PADI1: variants seen among roughly 807,000 people sequenced by gnomAD.
PADI1 encodes peptidyl arginine deiminase 1, also known as protein-arginine deiminase type-1.
PADI1 carries 65 observed loss-of-function variants against 74.8 expected under a neutral mutation model. That is an observed-to-expected ratio of 0.87 (90% CI 0.71 to 1.07). The LOEUF (loss-of-function observed/expected upper bound fraction) is 1.07, where lower values mean the gene tolerates loss of function less well. Ranked by LOEUF, PADI1 falls within the 50% of genes least tolerant of loss-of-function variation. The pLI is 0.00. For missense variants in PADI1, 943 were observed against 854.0 expected (o/e 1.10, Z -1.30); for synonymous variants, 371 against 336.2 (o/e 1.10, Z -1.13).
intron 1 of PADI1, among the ~76,000 whole-genome samples, chr1:17,210,743 C>T (rs1158802099): frequency 6.6e-6 from 1 of 152,140 alleles, no homozygotes; most frequent in African/African-American, 2.4e-5. Context: ...CAGCCATTGC[C>T]CTCCCTCAAC....
At chr1:17,220,006 G>A (rs1236605301) in intron 1 of PADI1, among the ~76,000 whole-genome samples, 1 of 152,108 alleles carries the variant, frequency 6.6e-6, no homozygotes, top group Non-Finnish European at 1.5e-5. Flanking sequence ...CAGATGAGAG[G>A]ATGATAGTCC....
intron 11 of PADI1, among the ~76,000 whole-genome samples, chr1:17,233,719 A>G (rs920351165): frequency 3.3e-5 from 5 of 152,150 alleles, no homozygotes; most frequent in African/African-American, 1.2e-4. Context: ...GGGTTTTTGC[A>G]TAGCAGGGGT....
intron 1 of PADI1, among the ~76,000 whole-genome samples, chr1:17,208,917 G>T (rs1008056785): frequency 5.9e-5 from 9 of 152,182 alleles, no homozygotes; most frequent in African/African-American, 2.2e-4. Flanking sequence ...CCTTGTAGGA[G>T]ACAGGGACAT....
rs2072672597 is a variant in PADI1 at position 17,237,449 on chromosome 1, T to C, written c.1449T>C (p.Ser483=). The part of the protein sequence containing the change: ...VDEFLTFVPT[S]DQKGFRLLLA... ...AGTTTCTGACCTTTGTGCCTACCTC[T>C]GACCAAAAGGTGCGTCCCCTCCTTC... The change falls in exon 12 of 16, where the codon TCT becomes TCC. Residue 483 remains serine (S), a synonymous_variant. Coordinates refer to ENST00000375471, the MANE Select transcript of PADI1 (RefSeq NM_013358.3). The C allele has an allele frequency of 6.2e-7, 1 of 1,610,668 alleles. No homozygotes were observed. The highest frequency in any genetic ancestry group is 1.7e-5 in the Admixed American group (1 of 59,636).
At chr1:17,241,378 C>T (rs2072773331) in intron 15 of PADI1, among the ~76,000 whole-genome samples, 1 of 152,258 alleles carries the variant, frequency 6.6e-6, no homozygotes, top group South Asian at 2.1e-4. Flanking sequence ...CAGGGATGGT[C>T]CCCCGGGATG....
chr1:17,216,213 G>T (rs2071974232), intron 1 of PADI1, among the ~76,000 whole-genome samples: 1 of 152,152 alleles, frequency 6.6e-6, no homozygotes, highest in Non-Finnish European at 1.5e-5. Context: ...GGATGCAACG[G>T]GACTTCTATT....
At position 17,244,255 on chromosome 1, in the gene PADI1, C is replaced by T. The variant is rs2072837184; in HGVS notation, c.*12C>T. 6.3e-7 allele frequency: 1 copy of T among 1,593,766 alleles called. No homozygotes were observed. The highest frequency in any genetic ancestry group is 8.6e-7 in the Non-Finnish European group (1 of 1,161,538). On this transcript the variant is annotated 3_prime_UTR_variant, in exon 16 of 16. Transcript: ENST00000375471. ...ACATGGTGCCCTGAGCCTGCCCCCA[C>T]CCGCCATCCTCTCTGCCCTCTTGCT...
At chr1:17,217,511 T>C (rs2072011711) in intron 1 of PADI1, among the ~76,000 whole-genome samples, 2 of 152,224 alleles carry the variant, frequency 1.3e-5, no homozygotes, top group Admixed American at 6.5e-5. Context: ...GATTGTTTAA[T>C]TTTTAAGAAG....
chr1:17,236,983 G>GA (rs749683133), intron 11 of PADI1, among the ~76,000 whole-genome samples: 8 of 152,204 alleles, frequency 5.3e-5, no homozygotes, highest in Non-Finnish European at 7.3e-5. Context: ...GCAAGGAGGG[G>GA]CGCAGTGGGG....
At chr1:17,214,474 G>C (rs2100413720) in intron 1 of PADI1, among the ~76,000 whole-genome samples, 1 of 152,250 alleles carries the variant, frequency 6.6e-6, no homozygotes, top group Non-Finnish European at 1.5e-5. Flanking sequence ...TCCTGTAGTG[G>C]TAATGATTTG....
rs151277560 is a variant in PADI1, at chr1:17,222,303, G to A, written c.106G>A (p.Gly36Ser). The A allele has an allele frequency of 1.9e-6, 3 of 1,613,748 alleles. No homozygotes were observed. The highest frequency in any genetic ancestry group is 1.3e-5 in the African/African-American group (1 of 74,902). The change falls in exon 2 of 16, where the codon GGT (glycine) becomes AGT (serine). Residue 36 changes from glycine (G) to serine (S), a missense_variant. Physicochemically the swap from Gly to Ser is moderately conservative, Grantham distance 56. Transcript: ENST00000375471. ...HVDIHSDVPK[G>S]ANSFRVSGSS... ...CTTCTCTGCCAGTGATGTGCCCAAG[G>A]GTGCCAACAGCTTCAGGGTCTCTGG... is the stretch of plus-strand genomic sequence containing the variant.
At chr1:17,228,310 A>G (rs2072381794) in intron 6 of PADI1, among the ~76,000 whole-genome samples, 1 of 152,238 alleles carries the variant, frequency 6.6e-6, no homozygotes, top group African/African-American at 2.4e-5. Context: ...ATAATATTCC[A>G]TCTTATGAAT....
At chr1:17,223,468 C>T (rs1456290971) in intron 2 of PADI1, 153 bp from the exon 3 acceptor site, 16 of 629,582 alleles carry the variant, frequency 2.5e-5, no homozygotes, top group South Asian at 3.8e-5. Flanking sequence ...GAATCCCAGC[C>T]GGGAGCCCTT....
chr1:17,218,504 G>A (rs1415588488), intron 1 of PADI1, among the ~76,000 whole-genome samples: 1 of 152,060 alleles, frequency 6.6e-6, no homozygotes, highest in Non-Finnish European at 1.5e-5. Flanking sequence ...GCTGCCAAGT[G>A]GGAAAGTGTT....
intron 1 of PADI1, among the ~76,000 whole-genome samples, chr1:17,210,097 C>A (rs1003092691): frequency 7.9e-5 from 12 of 152,152 alleles, no homozygotes; most frequent in Non-Finnish European, 1.8e-4. Context: ...ACCTCGGCCT[C>A]CCAAAGTGTT....
intron 7 of PADI1, 67 bp from the exon 8 acceptor site, chr1:17,228,881 G>A (rs189964089): frequency 1.3e-5 from 20 of 1,586,686 alleles, no homozygotes; most frequent in Non-Finnish European, 1.7e-5. Context: ...GCAGGCTGGG[G>A]GCTGGGGGGG....
At chr1:17,211,045 C>T (rs2071821229) in intron 1 of PADI1, among the ~76,000 whole-genome samples, 1 of 152,170 alleles carries the variant, frequency 6.6e-6, no homozygotes, top group African/African-American at 2.4e-5. Flanking sequence ...CAATTGCACA[C>T]CTGACCCATT....
At chr1:17,216,941 G>A (rs2071993353) in intron 1 of PADI1, among the ~76,000 whole-genome samples, 1 of 151,714 alleles carries the variant, frequency 6.6e-6, no homozygotes, top group Admixed American at 6.6e-5. Context: ...CAAGAAGTCT[G>A]AGAGTTCTAA....
chr1:17,224,808 G>A (rs1394209776), intron 4 of PADI1, among the ~76,000 whole-genome samples: 1 of 152,100 alleles, frequency 6.6e-6, no homozygotes, highest in Middle Eastern at 3.2e-3. Flanking sequence ...CCTTGGGGTA[G>A]AGGAGGCTAT....
Sources: gnomAD v4.1 joint callset for allele counts (sites outside exome capture counted in the v4.1 genomes callset) on GRCh38, gnomAD v4.1.1 for gene constraint, MANE v1.5 for transcripts, NCBI Gene and HGNC (gene_info 2026-07-23, HGNC 2026-07-21) for gene names.